The following RTP2 variants were observed in gnomAD, a reference collection of about 807,000 sequenced individuals.
RTP2 encodes receptor transporter protein 2.
A neutral mutation model predicts 17.9 loss-of-function variants in RTP2; 12 were observed. The observed-to-expected ratio is 0.67, with a 90% CI of 0.43 to 1.09. The LOEUF (loss-of-function observed/expected upper bound fraction) is 1.09, where lower values mean the gene tolerates loss of function less well. Among genes scored for constraint, RTP2 ranks in the 50% least tolerant of loss-of-function variants. The pLI, the probability that RTP2 is intolerant of heterozygous loss-of-function variation, is 0.00. For synonymous variants in RTP2, 126 were observed against 117.7 expected (o/e 1.07, Z -0.46); for missense variants, 327 against 295.7 (o/e 1.11, Z -0.78).
chr3:187,707,287 C>T (rs1718015999), upstream of RTP2, among the ~76,000 whole-genome samples: 1 of 152,168 alleles, frequency 6.6e-6, no homozygotes, highest in Non-Finnish European at 1.5e-5. Flanking sequence ...GGAGCATAGA[C>T]CCCACATTTG....
chr3:187,712,788 T>C, the RTP2 span, among the ~76,000 whole-genome samples: 5 of 152,146 alleles, frequency 3.3e-5, no homozygotes, highest in African/African-American at 1.2e-4. Context: ...GTGAGAGCAA[T>C]CTCCTACCTC....
In RTP2 at chr3:187,699,758, CACACACACACACACACACACACACAT is replaced by C. The variant is rs1310690824; in HGVS notation, c.165-773_165-748del. 4.7e-3 allele frequency among the ~76,000 whole-genome samples: 292 copies of C among 62,774 alleles called. 2 individuals are homozygous for C. The highest frequency in any genetic ancestry group is 0.014 in the African/African-American group (219 of 15,846). The allele number at this position is 62,774 out of a possible 152,430, so 41.2% of individuals were successfully genotyped here. A position where few individuals can be genotyped will look rare whatever the true frequency, so the allele number is the denominator to read the frequency against. On this transcript the variant is annotated intron_variant, in intron 1 of 1. Transcript: ENST00000358241. ...ACACACACACACACACACACACACA[CACACACACACACACACACACACACAT>C]ATATTTTCTCTCTCTCTCTTACATG...
the RTP2 span, among the ~76,000 whole-genome samples, chr3:187,712,194 C>T: frequency 2.0e-5 from 3 of 152,096 alleles, no homozygotes; most frequent in Non-Finnish European, 4.4e-5. Flanking sequence ...GGATTATACC[C>T]ACTGAGTCAA....
At chr3:187,699,523 T>C (rs981794499) in intron 1 of RTP2, among the ~76,000 whole-genome samples, 1 of 152,078 alleles carries the variant, frequency 6.6e-6, no homozygotes, top group African/African-American at 2.4e-5. Flanking sequence ...CCTGGCACAC[T>C]GTAGGTCCTC....
chr3:187,713,234 C>T, the RTP2 span, among the ~76,000 whole-genome samples: 8 of 152,240 alleles, frequency 5.3e-5, no homozygotes, highest in African/African-American at 1.9e-4. Flanking sequence ...GTCCCAGTGG[C>T]TTCCTCTCTG....
intron 1 of RTP2, among the ~76,000 whole-genome samples, chr3:187,701,194 A>G (rs185515169): frequency 1.1e-3 from 172 of 152,266 alleles, no homozygotes; most frequent in African/African-American, 3.7e-3. Context: ...CCAGTCCCCA[A>G]TCATGATCTA....
chr3:187,702,326 C>T (rs1001996640), exon 1 of RTP2: 5 of 604,256 alleles, frequency 8.3e-6, no homozygotes, highest in African/African-American at 7.4e-5. Context: ...AGAGTGAGGG[C>T]TGGGGAGAAG....
rs1851682 is a variant in RTP2 at position 187,698,301 on chromosome 3, A to T, written c.*197T>A. On this transcript the variant is annotated 3_prime_UTR_variant, in exon 2 of 2. Coordinates refer to ENST00000358241, the Ensembl canonical transcript of RTP2. ...TATTACACCCTTTTCCCCTTCCCCC[A>T]ATTATTGTCACATCCAGTGAAAGAA... 17 of 575,100 alleles carry T rather than the reference A, an allele frequency of 3.0e-5. No individual in the cohort carries two copies. In the East Asian group the frequency reaches 4.8e-4, roughly 16 times the overall value. The allele number at this position is 575,100 out of a possible 1,614,324, so 35.6% of individuals were successfully genotyped here. A position where few individuals can be genotyped will look rare whatever the true frequency, so the allele number is the denominator to read the frequency against.
chr3:187,706,032 T>C (rs543761256), upstream of RTP2, among the ~76,000 whole-genome samples: 2 of 152,292 alleles, frequency 1.3e-5, no homozygotes, highest in South Asian at 2.1e-4. Context: ...ACACAGTCAA[T>C]AGGAGTCACA....
exon 1 of RTP2, chr3:187,702,037 A>G: frequency 1.2e-6 from 2 of 1,613,694 alleles, no homozygotes; most frequent in East Asian, 2.2e-5. Flanking sequence ...GTTGGGGTCT[A>G]TGATGAGCTC....
upstream of RTP2, among the ~76,000 whole-genome samples, chr3:187,704,641 C>T (rs1477499843): frequency 6.6e-6 from 1 of 152,188 alleles, no homozygotes; most frequent in Non-Finnish European, 1.5e-5. Context: ...AGGACAAATG[C>T]AAGGTGTGTC....
intron 1 of RTP2, among the ~76,000 whole-genome samples, chr3:187,699,990 G>A (rs938340718): frequency 6.6e-6 from 1 of 152,150 alleles, no homozygotes; most frequent in African/African-American, 2.4e-5. Flanking sequence ...CCTGAGATGA[G>A]CCTCTTCCAG....
At chr3:187,699,780 CACATAT>C (rs776927469) in intron 1 of RTP2, among the ~76,000 whole-genome samples, 3,827 of 18,044 alleles carry the variant, frequency 0.21, 119 homozygotes, top group East Asian at 0.32. Flanking sequence ...CACACACACA[CACATAT>C]ATTTTCTCTC....
intron 1 of RTP2, among the ~76,000 whole-genome samples, chr3:187,699,273 C>T (rs1427848843): frequency 6.6e-6 from 1 of 152,156 alleles, no homozygotes; most frequent in Non-Finnish European, 1.5e-5. Context: ...GTGCCTCCTG[C>T]GGTCTCAGCT....
chr3:187,708,588 G>A, the RTP2 span, among the ~76,000 whole-genome samples: 2 of 152,294 alleles, frequency 1.3e-5, no homozygotes, highest in Middle Eastern at 6.8e-3. Context: ...GCTGATTCTC[G>A]AGGCATCAGA....
At chr3:187,712,543 C>A in the RTP2 span, among the ~76,000 whole-genome samples, 1 of 152,040 alleles carries the variant, frequency 6.6e-6, no homozygotes, top group African/African-American at 2.4e-5. Context: ...ACTTTGAGCC[C>A]CTTGTGAGCT....
chr3:187,713,415 CACAA>C, the RTP2 span, among the ~76,000 whole-genome samples: 6 of 152,118 alleles, frequency 3.9e-5, no homozygotes, highest in Admixed American at 1.3e-4. Flanking sequence ...GGACAAAATG[CACAA>C]ACAAAGCTAT....
chr3:187,698,702 G>T lies in RTP2; in HGVS notation c.474C>A (p.Cys158Ter). The T allele has an allele frequency of 1.9e-6, 3 of 1,614,040 alleles. No homozygotes were observed. Among genetic ancestry groups the T allele is most frequent in the Non-Finnish European group, 2.5e-6 (3 of 1,179,920 alleles). The change falls in exon 2 of 2, where the codon TGC becomes TGA. Residue 158 changes from cysteine to a stop codon, truncating the protein, a stop_gained. Transcript: ENST00000358241. LOFTEE classifies it high-confidence loss of function. ...GCTTCCAGTGAACGATGCCCTCCTGGCAGGCCTCACAGAACTCTGCACGAT... is the reference window on the plus strand; with the variant it reads ...GCTTCCAGTGAACGATGCCCTCCTGTCAGGCCTCACAGAACTCTGCACGAT...
exon 1 of RTP2, chr3:187,702,085 TAGA>T (rs752694590): frequency 1.2e-6 from 2 of 1,613,322 alleles, no homozygotes; most frequent in East Asian, 2.2e-5. Context: ...CATCTTCTCA[TAGA>T]AGACTTTCTT....
Sources: allele counts gnomAD v4.1 joint callset (sites outside exome capture counted in the v4.1 genomes callset), GRCh38; gene constraint gnomAD v4.1.1; transcripts MANE v1.5; gene names NCBI Gene and HGNC (gene_info 2026-07-23, HGNC 2026-07-21).